The following KCNAB1 variants were observed in gnomAD, a reference collection of about 807,000 sequenced individuals.
KCNAB1 encodes the protein potassium voltage-gated channel subfamily A regulatory beta subunit 1.
A neutral mutation model predicts 64.6 loss-of-function variants in KCNAB1; 35 were observed. That is an observed-to-expected ratio of 0.54 (90% CI 0.41 to 0.72). KCNAB1 has a LOEUF of 0.72. Ranked by LOEUF, KCNAB1 falls within the 30% of genes least tolerant of loss-of-function variation. The probability of loss-of-function intolerance (pLI) is 0.00; values close to 1 mark genes in which losing one functional copy is unlikely to be tolerated. For missense variants in KCNAB1, 401 were observed against 512.9 expected (o/e 0.78, Z 2.11); for synonymous variants, 177 against 183.8 (o/e 0.96, Z 0.30).
At chr3:156,173,553 A>G (rs1024204353) in intron 1 of KCNAB1, among the ~76,000 whole-genome samples, 9 of 152,236 alleles carry the variant, frequency 5.9e-5, no homozygotes, top group African/African-American at 2.2e-4. Context: ...TCCAATTGTC[A>G]GTGGGAGTCT....
chr3:156,188,355 C>T (rs1223458259), intron 1 of KCNAB1, among the ~76,000 whole-genome samples: 1 of 151,894 alleles, frequency 6.6e-6, no homozygotes, highest in Non-Finnish European at 1.5e-5. Flanking sequence ...GGTATATTTA[C>T]CATAAATATT....
rs2107967835 is a variant in KCNAB1, at chr3:156,291,320, C to A, written c.276-130296C>A. The A allele has an allele frequency of 5.1e-6, 5 of 989,274 alleles. No individual in the cohort carries two copies. The South Asian group carries it at 2.3e-4, about 46-fold the overall frequency. 61.3% of individuals were successfully genotyped at this position (989,274 alleles called of 1,614,324 possible). On this transcript the variant is annotated intron_variant, in intron 1 of 13. Coordinates refer to ENST00000490337, the MANE Select transcript of KCNAB1 (RefSeq NM_172160.3). ...CTCCCGGAGCGGAGGCGGGAGGGAG[C>A]TGACAGCCGGAGTGGATGGAGACCA... is the stretch of plus-strand genomic sequence containing the variant.
At chr3:156,401,122 G>T (rs1407086178) in intron 1 of KCNAB1, among the ~76,000 whole-genome samples, 2 of 152,140 alleles carry the variant, frequency 1.3e-5, no homozygotes, top group Non-Finnish European at 2.9e-5. Context: ...TGACATGGGG[G>T]ATCTCAGACC....
chr3:156,334,675 TA>T (rs1380809154), intron 1 of KCNAB1, among the ~76,000 whole-genome samples: 1 of 152,198 alleles, frequency 6.6e-6, no homozygotes, highest in Non-Finnish European at 1.5e-5. Flanking sequence ...ATTTTCCTTT[TA>T]TTTTTTTCCA....
chr3:156,300,215 A>T (rs867394745), intron 1 of KCNAB1, among the ~76,000 whole-genome samples: 69 of 152,276 alleles, frequency 4.5e-4, no homozygotes, highest in African/African-American at 1.6e-3. Context: ...AAAAAAAAAT[A>T]CTTCCCAATC....
At chr3:156,322,100 G>T (rs1357457434) in intron 1 of KCNAB1, among the ~76,000 whole-genome samples, 1 of 152,184 alleles carries the variant, frequency 6.6e-6, no homozygotes, top group Non-Finnish European at 1.5e-5. Context: ...CTAGTGAGAT[G>T]CTCACTCGCA....
intron 1 of KCNAB1, among the ~76,000 whole-genome samples, chr3:156,342,839 T>TG (rs200829221): frequency 0.014 from 2,144 of 152,064 alleles, 21 homozygotes; most frequent in South Asian, 0.031. Flanking sequence ...GGAAGTCCAA[T>TG]GGGGGGCTTT....
chr3:156,168,909 C>G lies in KCNAB1; in HGVS notation c.275+48023C>G, dbSNP rs115733852. On this transcript the variant is annotated intron_variant, in intron 1 of 13. Coordinates refer to ENST00000490337, the MANE Select transcript of KCNAB1 (RefSeq NM_172160.3). The stretch of plus-strand genomic sequence containing the variant: ...ACTTCTTTCACATTTCTGTAAAAAT[C>G]TTGTTGAAAGAATCACTTCTTGCCT... 1.9e-3 allele frequency among the ~76,000 whole-genome samples: 285 copies of G among 152,290 alleles called. 1 individual carries two copies. The highest frequency in any genetic ancestry group is 6.6e-3 in the African/African-American group (276 of 41,554).
At chr3:156,258,961 G>A (rs576895438) in intron 1 of KCNAB1, among the ~76,000 whole-genome samples, 1 of 152,362 alleles carries the variant, frequency 6.6e-6, no homozygotes, top group South Asian at 2.1e-4. Context: ...GATGAGCAGG[G>A]AAATGGAACG....
intron 8 of KCNAB1, among the ~76,000 whole-genome samples, chr3:156,507,861 T>C (rs1716929004): frequency 6.6e-6 from 1 of 152,172 alleles, no homozygotes; most frequent in Admixed American, 6.5e-5. Context: ...GGTTGAACCA[T>C]AGGATACTGT....
intron 12 of KCNAB1, among the ~76,000 whole-genome samples, chr3:156,529,011 T>A (rs1280699752): frequency 1.3e-5 from 2 of 152,052 alleles, no homozygotes; most frequent in Non-Finnish European, 2.9e-5. Flanking sequence ...GAAAACCAGT[T>A]ATCCAGGAGA....
chr3:156,353,850 G>A (rs138903420), intron 1 of KCNAB1, among the ~76,000 whole-genome samples: 27 of 152,192 alleles, frequency 1.8e-4, no homozygotes, highest in African/African-American at 6.3e-4. Flanking sequence ...TTATTCTTGC[G>A]ACATTCTATT....
At chr3:156,187,543 A>C (rs1713280596) in intron 1 of KCNAB1, among the ~76,000 whole-genome samples, 1 of 152,190 alleles carries the variant, frequency 6.6e-6, no homozygotes, top group Non-Finnish European at 1.5e-5. Flanking sequence ...GATGAAGTAC[A>C]CAACCACTCA....
chr3:156,474,820 G>T lies in KCNAB1; in HGVS notation c.658G>T (p.Glu220Ter). Residue 220 changes from glutamate (E) to a stop codon, truncating the protein, a stop_gained and splice_region_variant, in exon 8 of 14, where the codon GAA becomes TAA. Transcript: ENST00000490337. LOFTEE classifies it high-confidence loss of function. ...NRPDSNTPME[E>*]IVRAMTHVIN... is the part of the protein sequence containing the mutation. ...ACCGGACAGTAACACTCCCATGGAA[G>T]GTAAGTTAAGAAAGCTAATAAAATA... 1.2e-6 allele frequency: 2 copies of T among 1,609,134 alleles called. No homozygotes were observed. Among genetic ancestry groups the T allele is most frequent in the Non-Finnish European group, 1.7e-6 (2 of 1,175,790 alleles).
intron 1 of KCNAB1, among the ~76,000 whole-genome samples, chr3:156,347,042 T>C (rs1724527401): frequency 6.6e-6 from 1 of 152,168 alleles, no homozygotes; most frequent in South Asian, 2.1e-4. Flanking sequence ...TTCTGGTCTG[T>C]GGCATAAATA....
chr3:156,151,345 A>C (rs911291354), intron 1 of KCNAB1, among the ~76,000 whole-genome samples: 4 of 152,134 alleles, frequency 2.6e-5, no homozygotes, highest in Non-Finnish European at 5.9e-5. Context: ...ATTCTCCCTA[A>C]GTTTTAAAAT....
chr3:156,491,959 A>C (rs943726107), intron 8 of KCNAB1, among the ~76,000 whole-genome samples: 1 of 152,122 alleles, frequency 6.6e-6, no homozygotes, highest in Admixed American at 6.6e-5. Context: ...AATTTGGCTA[A>C]ATTTAATTAC....
chr3:156,288,195 G>A (rs1002269451), intron 1 of KCNAB1, among the ~76,000 whole-genome samples: 23 of 152,058 alleles, frequency 1.5e-4, no homozygotes, highest in African/African-American at 5.1e-4. Flanking sequence ...CCTTCTATAT[G>A]GACACCAGTC....
chr3:156,164,322 A>G (rs1716246974), intron 1 of KCNAB1, among the ~76,000 whole-genome samples: 1 of 152,168 alleles, frequency 6.6e-6, no homozygotes, highest in Non-Finnish European at 1.5e-5. Context: ...ATCATTCTGT[A>G]TACAAGCAGA....
Sources: allele counts gnomAD v4.1 joint callset (sites outside exome capture counted in the v4.1 genomes callset), GRCh38; gene constraint gnomAD v4.1.1; transcripts MANE v1.5; gene names NCBI Gene and HGNC (gene_info 2026-07-23, HGNC 2026-07-21).